The following TMEM65 variants were observed in gnomAD, a reference collection of about 807,000 sequenced individuals.
TMEM65 encodes transmembrane protein 65.
Under a neutral mutation model 25.4 loss-of-function variants are expected in TMEM65, and 22 were observed. The ratio of observed to expected loss-of-function variants is 0.86; its 90% CI spans 0.62 to 1.23. The LOEUF is 1.23. Ranked by LOEUF, TMEM65 falls within the 50% of genes most tolerant of loss-of-function variation. TMEM65 has a pLI of 0.00. For missense variants in TMEM65, 262 were observed against 308.2 expected, an observed-to-expected ratio of 0.85 and a Z score of 1.12; for synonymous variants, 132 against 126.2, an observed-to-expected ratio of 1.05 and a Z score of -0.31.
intron 1 of TMEM65, among the ~76,000 whole-genome samples, chr8:124,362,969 C>T (rs1335248934): frequency 6.6e-6 from 1 of 152,126 alleles, no homozygotes; most frequent in African/African-American, 2.4e-5. Flanking sequence ...AATCCTCTAT[C>T]GAAGAATAAA....
chr8:124,343,520 A>G lies in TMEM65; in HGVS notation c.305-12728T>C, dbSNP rs543652003. On this transcript the variant is annotated intron_variant, in intron 1 of 6. Transcript: ENST00000297632. ...CCCTTGAATTCTGTTGGAAAAAACA[A>G]TACCAACATGTTCTCTGCAGTAAAA... 2.6e-3 allele frequency among the ~76,000 whole-genome samples: 389 copies of G among 152,124 alleles called. 1 individual carries two copies. Among genetic ancestry groups the G allele is most frequent in the Non-Finnish European group, 4.4e-3 (302 of 67,990 alleles).
In TMEM65 at chr8:124,311,256, C is replaced by G. The variant is rs191122443; in HGVS notation, c.*2704G>C. On this transcript the variant is annotated 3_prime_UTR_variant, in exon 7 of 7. Transcript: ENST00000297632. Reference sequence around the variant, plus strand: ...GGGAGGTGGTAAATTGTTCCATTCACTATCTCAGTGACATTGCTGCCACCT... The same window carrying G: ...GGGAGGTGGTAAATTGTTCCATTCAGTATCTCAGTGACATTGCTGCCACCT... The G allele has an allele frequency of 2.1e-3, 325 of 152,552 alleles. No homozygotes were observed. The highest frequency in any genetic ancestry group is 3.2e-3 in the Non-Finnish European group (219 of 68,028). The allele number at this position is 152,552 out of a possible 1,614,324, so 9.4% of individuals were successfully genotyped here.
intron 1 of TMEM65, among the ~76,000 whole-genome samples, chr8:124,354,797 T>A (rs552451817): frequency 6.6e-6 from 1 of 152,184 alleles, no homozygotes; most frequent in Non-Finnish European, 1.5e-5. Flanking sequence ...AATCAACTAC[T>A]TGCATGTTAA....
chr8:124,349,490 A>G (rs1224874279), intron 1 of TMEM65, among the ~76,000 whole-genome samples: 3 of 152,250 alleles, frequency 2.0e-5, no homozygotes, highest in African/African-American at 7.2e-5. Flanking sequence ...TTCCAAAACA[A>G]CTGGATACCC....
Position 124,313,298 on chromosome 8 carries a change from G to C in TMEM65, c.*662C>G, listed in dbSNP as rs146377949. 10 of 151,854 alleles carry C rather than the reference G, an allele frequency of 6.6e-5. No individual in the cohort carries two copies. The highest frequency in any genetic ancestry group is 1.3e-4 in the Admixed American group (2 of 15,244). 9.4% of individuals were successfully genotyped at this position (151,854 alleles called of 1,614,324 possible). A position where few individuals can be genotyped will look rare whatever the true frequency, so the allele number is the denominator to read the frequency against. On this transcript the variant is annotated 3_prime_UTR_variant, in exon 7 of 7. Coordinates refer to ENST00000297632, the MANE Select transcript of TMEM65 (RefSeq NM_194291.3). ...AAATTGTACGCTTGTTAGTATACACGGTTTCATGTAGCAGGGAGACCACAT... is the reference window on the plus strand; with the variant it reads ...AAATTGTACGCTTGTTAGTATACACCGTTTCATGTAGCAGGGAGACCACAT...
At chr8:124,352,528 A>C (rs1183100915) in intron 1 of TMEM65, among the ~76,000 whole-genome samples, 3 of 136,962 alleles carry the variant, frequency 2.2e-5, no homozygotes, top group African/African-American at 9.5e-5. Flanking sequence ...AAAATAAAAT[A>C]AAATAAAATA....
chr8:124,329,621 AAT>A (rs1341720505), intron 2 of TMEM65, among the ~76,000 whole-genome samples: 1 of 151,988 alleles, frequency 6.6e-6, no homozygotes, highest in Non-Finnish European at 1.5e-5. Flanking sequence ...TACCTATATA[AAT>A]ATGTCCTAAA....
At chr8:124,360,155 G>C (rs1015931592) in intron 1 of TMEM65, among the ~76,000 whole-genome samples, 1 of 152,116 alleles carries the variant, frequency 6.6e-6, no homozygotes, top group Non-Finnish European at 1.5e-5. Flanking sequence ...TCTCGGCCAG[G>C]CACAGTGGCA....
In TMEM65 at chr8:124,310,399, A is replaced by T. The variant is rs1814141420; in HGVS notation, c.*3561T>A. 2 of 152,204 alleles carry T rather than the reference A, an allele frequency of 1.3e-5. No individual in the cohort carries two copies. The highest frequency in any genetic ancestry group is 2.9e-5 in the Non-Finnish European group (2 of 68,034). 9.4% of individuals were successfully genotyped at this position (152,204 alleles called of 1,614,324 possible). On this transcript the variant is annotated 3_prime_UTR_variant, in exon 7 of 7. Coordinates refer to ENST00000297632, the MANE Select transcript of TMEM65 (RefSeq NM_194291.3). ...TGGAGGTAAAAAGGAACCTAGGCAGAGAGCAGACATTGCAAAGCCCATGCA... is the reference window on the plus strand; with the variant it reads ...TGGAGGTAAAAAGGAACCTAGGCAGTGAGCAGACATTGCAAAGCCCATGCA...
intron 1 of TMEM65, among the ~76,000 whole-genome samples, chr8:124,365,626 G>A (rs1814928003): frequency 6.6e-6 from 1 of 151,822 alleles, no homozygotes; most frequent in Non-Finnish European, 1.5e-5. Flanking sequence ...GATTTTGAGA[G>A]AGTGAGATTA....
intron 1 of TMEM65, among the ~76,000 whole-genome samples, chr8:124,334,070 G>A (rs1048655465): frequency 2.9e-4 from 44 of 152,202 alleles, no homozygotes; most frequent in Non-Finnish European, 5.6e-4. Context: ...GTAAAGATTT[G>A]AAGGCATCCC....
chr8:124,316,926 A>G (rs145290028), intron 6 of TMEM65, among the ~76,000 whole-genome samples: 256 of 152,318 alleles, frequency 1.7e-3, no homozygotes, highest in African/African-American at 5.7e-3. Context: ...AACCTTTATA[A>G]AGTAAAAATT....
intron 4 of TMEM65, 56 bp downstream of exon 4, chr8:124,323,265 A>G (rs368172754): frequency 1.0e-6 from 1 of 966,794 alleles, no homozygotes; most frequent in Non-Finnish European, 1.5e-6. Flanking sequence ...AACTTAATCT[A>G]CTGAAATGTT....
intron 4 of TMEM65, among the ~76,000 whole-genome samples, chr8:124,322,799 C>A (rs1244215330): frequency 6.6e-6 from 1 of 152,032 alleles, no homozygotes; most frequent in African/African-American, 2.4e-5. Context: ...CATTCAAGAC[C>A]ATCCTGGCCA....
At chr8:124,347,948 T>G (rs971311184) in intron 1 of TMEM65, among the ~76,000 whole-genome samples, 1 of 150,636 alleles carries the variant, frequency 6.6e-6, no homozygotes, top group East Asian at 1.9e-4. Flanking sequence ...TGGAATGCAA[T>G]GGCGTGATCT....
intron 1 of TMEM65, among the ~76,000 whole-genome samples, chr8:124,355,611 G>A (rs548255220): frequency 1.7e-4 from 26 of 152,262 alleles, no homozygotes; most frequent in African/African-American, 5.8e-4. Flanking sequence ...TGGGAAGCAG[G>A]GGTCTAGTTT....
chr8:124,365,019 C>CAA (rs1321375484), intron 1 of TMEM65, among the ~76,000 whole-genome samples: 3 of 152,172 alleles, frequency 2.0e-5, no homozygotes, highest in African/African-American at 7.2e-5. Flanking sequence ...CTAATAATGG[C>CAA]AAAATATCAC....
chr8:124,330,810 G>T lies in TMEM65; in HGVS notation c.305-18C>A. ...CAATTTTTCTAAAGGGGAGAAAAAG[G>T]ATGTGGGGCAAGAATTAGTTACTAC... On this transcript the variant is annotated intron_variant, in intron 1 of 6. Transcript: ENST00000297632. 1 of 1,576,662 alleles carries T rather than the reference G, an allele frequency of 6.3e-7. No individual in the cohort carries two copies. The highest frequency in any genetic ancestry group is 1.2e-5 in the South Asian group (1 of 86,102).
intron 1 of TMEM65, among the ~76,000 whole-genome samples, chr8:124,366,209 G>A (rs1010624640): frequency 2.6e-5 from 4 of 152,262 alleles, no homozygotes; most frequent in African/African-American, 7.2e-5. Flanking sequence ...GTGACAGCAC[G>A]AGACTCCGTC....
Sources: allele counts gnomAD v4.1 joint callset (sites outside exome capture counted in the v4.1 genomes callset), GRCh38; gene constraint gnomAD v4.1.1; transcripts MANE v1.5; gene names NCBI Gene and HGNC (gene_info 2026-07-23, HGNC 2026-07-21).